The following FAM3B variants were observed in gnomAD, a reference collection of about 807,000 sequenced individuals.
FAM3B encodes the protein FAM3 metabolism regulating signaling molecule B, also known as protein FAM3B.
FAM3B carries 29 observed loss-of-function variants against 28.4 expected under a neutral mutation model. The observed-to-expected ratio is 1.02, with a 90% confidence interval of 0.76 to 1.39. The LOEUF is 1.39. Ranked by LOEUF, FAM3B falls within the 40% of genes most tolerant of loss-of-function variation. The probability of loss-of-function intolerance (pLI) is 0.00; values close to 1 mark genes in which losing one functional copy is unlikely to be tolerated. For missense variants in FAM3B, 266 were observed against 293.9 expected (o/e 0.91, Z 0.69); for synonymous variants, 91 against 103.0 (o/e 0.88, Z 0.71).
At chr21:41,312,738 T>TGTGTGTGTGTGC (rs2088722347), upstream of FAM3B, among the ~76,000 whole-genome samples, 1 of 151,966 alleles carries the variant, frequency 6.6e-6, no homozygotes, top group Non-Finnish European at 1.5e-5. Context: ...TGTGTGTGTG[T>TGTGTGTGTGTGC]GTGTGTGTGT....
intron 3 of FAM3B, among the ~76,000 whole-genome samples, chr21:41,342,896 A>C (rs2089020740): frequency 5.9e-5 from 9 of 152,004 alleles, no homozygotes. Flanking sequence ...TTGATCCTGC[A>C]CCTGTTTTTT....
chr21:41,312,927 G>T, upstream of FAM3B, among the ~76,000 whole-genome samples: 1 of 152,224 alleles, frequency 6.6e-6, no homozygotes, highest in Non-Finnish European at 1.5e-5. Flanking sequence ...AGGCTTAGGG[G>T]AGGCCTTCAA....
intron 7 of FAM3B, among the ~76,000 whole-genome samples, chr21:41,350,822 C>G (rs1035971265): frequency 6.6e-6 from 1 of 152,254 alleles, no homozygotes; most frequent in Non-Finnish European, 1.5e-5. Flanking sequence ...GGCTCTTACC[C>G]TGTTTTCCTC....
At chr21:41,347,749 C>CAAA (rs60227162) in intron 6 of FAM3B, among the ~76,000 whole-genome samples, 9,670 of 85,100 alleles carry the variant, frequency 0.11, 471 homozygotes, top group Non-Finnish European at 0.17. Context: ...GAGACTGTCT[C>CAAA]AAAAAAAAAA....
intron 2 of FAM3B, among the ~76,000 whole-genome samples, chr21:41,330,086 C>G (rs1282954325): frequency 6.7e-6 from 1 of 149,394 alleles, no homozygotes; most frequent in Non-Finnish European, 1.5e-5. Context: ...TAATCTCTTA[C>G]TCTGCCTAAT....
intron 7 of FAM3B, among the ~76,000 whole-genome samples, chr21:41,351,028 T>C (rs2838022): frequency 0.1 from 15,507 of 152,178 alleles, 861 homozygotes; most frequent in Middle Eastern, 0.13. Flanking sequence ...CTACCAATGG[T>C]GCGGTTCTCC....
At chr21:41,327,091 G>A (rs2088861228) in intron 2 of FAM3B, among the ~76,000 whole-genome samples, 1 of 152,156 alleles carries the variant, frequency 6.6e-6, no homozygotes, top group South Asian at 2.1e-4. Context: ...AGCCTCCCAG[G>A]GTGCTCTTAA....
At chr21:41,339,395 G>A (rs1022753464) in intron 3 of FAM3B, among the ~76,000 whole-genome samples, 1 of 152,150 alleles carries the variant, frequency 6.6e-6, no homozygotes, top group African/African-American at 2.4e-5. Flanking sequence ...TTTCTCTAAA[G>A]AGAGAGTTCC....
At chr21:41,333,450 G>A (rs527368350) in intron 2 of FAM3B, among the ~76,000 whole-genome samples, 12 of 152,180 alleles carry the variant, frequency 7.9e-5, no homozygotes, top group African/African-American at 2.9e-4. Context: ...AAAAATGTGT[G>A]GTACCTCCCT....
At chr21:41,344,395 C>T in intron 3 of FAM3B, 81 bp from the exon 4 acceptor site, 6 of 1,310,128 alleles carry the variant, frequency 4.6e-6, no homozygotes, top group Non-Finnish European at 6.6e-6. Context: ...ATGAGACTGA[C>T]ATTTGGTCAG....
In FAM3B at chr21:41,333,024, A is replaced by C. The variant is rs181257460; in HGVS notation, c.164-5354A>C. Reference sequence around the variant, plus strand: ...TTCTATTTTCTTGATGTATAATCTTAGGTTGTTTATGTGAGACCTTTTTTT... The same window carrying C: ...TTCTATTTTCTTGATGTATAATCTTCGGTTGTTTATGTGAGACCTTTTTTT... On this transcript the variant is annotated intron_variant, in intron 2 of 7. Transcript: ENST00000357985. Among the ~76,000 whole-genome samples, 321 of 149,058 alleles carry C rather than the reference A, an allele frequency of 2.2e-3. 1 individual carries two copies. The highest frequency in any genetic ancestry group is 7.1e-3 in the Middle Eastern group (2 of 280).
At chr21:41,318,656 G>A (rs568990846) in intron 1 of FAM3B, among the ~76,000 whole-genome samples, 4 of 152,246 alleles carry the variant, frequency 2.6e-5, no homozygotes, top group African/African-American at 4.8e-5. Flanking sequence ...AGGTGTGGGT[G>A]TGGCCTTCAT....
At position 41,347,097 on chromosome 21, in the gene FAM3B, C is replaced by T. The variant is rs1248063605; in HGVS notation, c.482C>T (p.Thr161Ile). 3 of 1,614,046 alleles carry T rather than the reference C, an allele frequency of 1.9e-6. No individual in the cohort carries two copies. Among genetic ancestry groups the T allele is most frequent in the Non-Finnish European group, 2.5e-6 (3 of 1,179,950 alleles). ...LFMVTYDDGS[T>I]RLNNDAKNAI... The stretch of plus-strand genomic sequence containing the variant: ...ATGGTGACCTATGACGACGGAAGCA[C>T]AAGGTGAGTGGGTGTAGGTCTGTCA... The change falls in exon 6 of 8, where the codon ACA becomes ATA. Residue 161 changes from threonine (T) to isoleucine (I), a missense_variant. Thr to Ile is a moderately conservative substitution (Grantham distance 89, BLOSUM62 -1). Transcript: ENST00000357985.
intron 2 of FAM3B, among the ~76,000 whole-genome samples, chr21:41,329,034 A>G (rs942895030): frequency 6.6e-6 from 1 of 152,206 alleles, no homozygotes; most frequent in African/African-American, 2.4e-5. Flanking sequence ...CGTTGACAGC[A>G]TGTGTTGATA....
intron 2 of FAM3B, among the ~76,000 whole-genome samples, chr21:41,323,278 G>A (rs1189593849): frequency 6.6e-6 from 1 of 152,194 alleles, no homozygotes; most frequent in Non-Finnish European, 1.5e-5. Flanking sequence ...GAACAGTGTG[G>A]CTTCTGGTTA....
intron 1 of FAM3B, among the ~76,000 whole-genome samples, chr21:41,308,535 C>CTTTT (rs562737882): frequency 1.3e-4 from 15 of 119,516 alleles, no homozygotes; most frequent in East Asian, 2.5e-4. Flanking sequence ...TTTTTCTTTT[C>CTTTT]TTTTTTTTTT....
At chr21:41,331,658 TC>T (rs1195439383) in intron 2 of FAM3B, among the ~76,000 whole-genome samples, 1 of 152,234 alleles carries the variant, frequency 6.6e-6, no homozygotes, top group African/African-American at 2.4e-5. Flanking sequence ...CATATGGATA[TC>T]CAGTTTTCCC....
chr21:41,314,569 A>G (rs145182938), upstream of FAM3B, among the ~76,000 whole-genome samples: 4 of 152,358 alleles, frequency 2.6e-5, no homozygotes, highest in Admixed American at 2.6e-4. Context: ...AGGAATATGT[A>G]ATTAAAGTAA....
chr21:41,323,507 G>A (rs1219745414), intron 2 of FAM3B, among the ~76,000 whole-genome samples: 1 of 152,236 alleles, frequency 6.6e-6, no homozygotes, highest in African/African-American at 2.4e-5. Flanking sequence ...TTGTATGTCG[G>A]TGAACACACG....
Sources: gnomAD v4.1 joint callset for allele counts (sites outside exome capture counted in the v4.1 genomes callset) on GRCh38, gnomAD v4.1.1 for gene constraint, MANE v1.5 for transcripts, NCBI Gene and HGNC (gene_info 2026-07-23, HGNC 2026-07-21) for gene names.